ODAD2: variants seen among roughly 807,000 people sequenced by gnomAD.
The protein encoded by ODAD2 is outer dynein arm-docking complex subunit 2.
Under a neutral mutation model 106.8 loss-of-function variants are expected in ODAD2, and 89 were observed. The observed-to-expected ratio is 0.83, with a 90% CI of 0.70 to 0.99. The LOEUF (loss-of-function observed/expected upper bound fraction) is 0.99, where lower values mean the gene tolerates loss of function less well. Among genes scored for constraint, ODAD2 ranks in the 50% least tolerant of loss-of-function variants. The pLI is 0.00. For synonymous variants in ODAD2, 404 were observed against 436.2 expected, an observed-to-expected ratio of 0.93 and a Z score of 0.92; for missense variants, 1,168 against 1,238.5, an observed-to-expected ratio of 0.94 and a Z score of 0.85.
chr10:27,947,791 C>T (rs575247800), intron 10 of ODAD2, among the ~76,000 whole-genome samples: 3 of 152,290 alleles, frequency 2.0e-5, no homozygotes, highest in South Asian at 2.1e-4. Context: ...CTTGTTTAAG[C>T]CAAGAGCCTC....
At chr10:27,976,303 A>C (rs553113361) in intron 7 of ODAD2, among the ~76,000 whole-genome samples, 1 of 152,254 alleles carries the variant, frequency 6.6e-6, no homozygotes, top group Non-Finnish European at 1.5e-5. Flanking sequence ...TTAAATTAGG[A>C]AGGAAGAAAT....
intron 19 of ODAD2, among the ~76,000 whole-genome samples, chr10:27,847,727 A>C (rs1172132900): frequency 1.3e-5 from 2 of 152,164 alleles, no homozygotes; most frequent in African/African-American, 4.8e-5. Flanking sequence ...GCAAAGTCTC[A>C]GGATACAAAA....
intron 17 of ODAD2, among the ~76,000 whole-genome samples, chr10:27,872,013 G>A (rs966606812): frequency 2.0e-5 from 3 of 152,070 alleles, no homozygotes; most frequent in Non-Finnish European, 2.9e-5. Context: ...CCATTTGTTT[G>A]TGTCCTCTTT....
At chr10:27,845,761 GA>G (rs1211366342) in intron 19 of ODAD2, among the ~76,000 whole-genome samples, 22 of 152,148 alleles carry the variant, frequency 1.4e-4, no homozygotes, top group African/African-American at 5.3e-4. Context: ...AAAAAGGCAG[GA>G]GTTGCAATCC....
At chr10:27,956,532 C>T (rs762560421) in intron 10 of ODAD2, among the ~76,000 whole-genome samples, 2 of 152,142 alleles carry the variant, frequency 1.3e-5, no homozygotes, top group South Asian at 2.1e-4. Flanking sequence ...CTGGACAATA[C>T]GGGCATCTTA....
chr10:27,985,612 G>A (rs942249311), intron 3 of ODAD2, among the ~76,000 whole-genome samples: 1 of 152,148 alleles, frequency 6.6e-6, no homozygotes, highest in Non-Finnish European at 1.5e-5. Flanking sequence ...GTGCATGTGT[G>A]TATGTGTGTG....
chr10:27,892,018 C>CACCT (rs1842598899), intron 17 of ODAD2, among the ~76,000 whole-genome samples: 1 of 152,160 alleles, frequency 6.6e-6, no homozygotes, highest in Admixed American at 6.5e-5. Flanking sequence ...TAATACTGAA[C>CACCT]ACCTGTTCAA....
chr10:27,984,009 A>T, intron 5 of ODAD2, 30 bp from the exon 6 acceptor site: 1 of 1,600,798 alleles, frequency 6.2e-7, no homozygotes, highest in East Asian at 2.2e-5. Context: ...AATTAACAGG[A>T]GTTCCTTAAC....
chr10:27,871,040 C>T lies in ODAD2; in HGVS notation c.2611-8418G>A, dbSNP rs186626163. 1.5e-3 allele frequency among the ~76,000 whole-genome samples: 227 copies of T among 152,178 alleles called. 1 individual carries two copies. Among genetic ancestry groups the T allele is most frequent in the Non-Finnish European group, 1.9e-3 (126 of 68,004 alleles). Reference sequence around the variant, plus strand: ...TGTTGTTTCCTGACTTTTTAATGATCGACATTCTAACTGGTGTGAGATGGT... The same window carrying T: ...TGTTGTTTCCTGACTTTTTAATGATTGACATTCTAACTGGTGTGAGATGGT... On this transcript the variant is annotated intron_variant, in intron 17 of 19. Transcript: ENST00000305242.
At chr10:27,867,657 A>T (rs1421822924) in intron 17 of ODAD2, among the ~76,000 whole-genome samples, 1 of 152,120 alleles carries the variant, frequency 6.6e-6, no homozygotes, top group Non-Finnish European at 1.5e-5. Context: ...TTTCACTTAC[A>T]AATAAGCAAG....
chr10:27,812,410 A>C lies in ODAD2; in HGVS notation c.*102T>G. 9.6e-7 allele frequency: 1 copy of C among 1,041,826 alleles called. No homozygotes were observed. 64.5% of individuals were successfully genotyped at this position (1,041,826 alleles called of 1,614,324 possible). A position where few individuals can be genotyped will look rare whatever the true frequency, so the allele number is the denominator to read the frequency against. ...GTGTGTTTTCATTTAGATGGTTGAA[A>C]GGGTTTGCTAACAACTGTTTCCCAA... On this transcript the variant is annotated 3_prime_UTR_variant, in exon 20 of 20. Transcript: ENST00000305242.
intron 18 of ODAD2, 26 bp from the exon 19 acceptor site, chr10:27,860,872 T>A (rs1156438655): frequency 1.3e-6 from 2 of 1,592,530 alleles, no homozygotes; most frequent in Non-Finnish European, 1.7e-6. Context: ...TGAAATGGGA[T>A]CTGTGCATTG....
At chr10:27,813,452 C>CTTTTTT (rs1835894751) in intron 19 of ODAD2, 1 of 152,074 alleles carries the variant, frequency 6.6e-6, no homozygotes, top group Non-Finnish European at 1.5e-5. Context: ...CTTAAAGAAA[C>CTTTTTT]GTACAGTATC....
At chr10:27,818,291 T>C (rs1289167289) in intron 19 of ODAD2, among the ~76,000 whole-genome samples, 4 of 152,134 alleles carry the variant, frequency 2.6e-5, no homozygotes, top group Non-Finnish European at 5.9e-5. Context: ...ATTACATAAT[T>C]GTATAACCCC....
intron 18 of ODAD2, 75 bp downstream of exon 18, chr10:27,862,359 A>G: frequency 3.3e-6 from 4 of 1,227,044 alleles, no homozygotes; most frequent in Non-Finnish European, 3.4e-6. Context: ...CTGGACTGCA[A>G]ATGCATTGTT....
chr10:27,887,106 T>G (rs1336704105), intron 17 of ODAD2, among the ~76,000 whole-genome samples: 1 of 151,998 alleles, frequency 6.6e-6, no homozygotes, highest in East Asian at 1.9e-4. Context: ...TACAATATAT[T>G]ATTTACAAGA....
intron 16 of ODAD2, among the ~76,000 whole-genome samples, chr10:27,927,357 C>T (rs1845323786): frequency 6.6e-6 from 1 of 152,096 alleles, no homozygotes; most frequent in Non-Finnish European, 1.5e-5. Context: ...AAACAAGTTC[C>T]TAACCCATGA....
intron 17 of ODAD2, among the ~76,000 whole-genome samples, chr10:27,884,132 T>G (rs944185615): frequency 2.6e-5 from 4 of 152,078 alleles, no homozygotes; most frequent in Admixed American, 2.6e-4. Context: ...CACATCACAG[T>G]GAAACTATTG....
chr10:27,843,817 G>T (rs1205226573), intron 19 of ODAD2, among the ~76,000 whole-genome samples: 1 of 152,008 alleles, frequency 6.6e-6, no homozygotes, highest in African/African-American at 2.4e-5. Context: ...AATATTAATA[G>T]TCTGAAGATG....
Sources: allele counts gnomAD v4.1 joint callset (sites outside exome capture counted in the v4.1 genomes callset), GRCh38; gene constraint gnomAD v4.1.1; transcripts MANE v1.5; gene names NCBI Gene and HGNC (gene_info 2026-07-23, HGNC 2026-07-21).